Variants in LRRTM4 observed in about 807,000 individuals in gnomAD.
LRRTM4 encodes the protein leucine-rich repeat transmembrane neuronal protein 4.
In LRRTM4, 25 loss-of-function variants were observed where a neutral mutation model predicts 47.6. That is an observed-to-expected ratio of 0.53 (90% CI 0.38 to 0.73). LRRTM4 has a LOEUF of 0.73. Among genes scored for constraint, LRRTM4 ranks in the 30% least tolerant of loss-of-function variants. The pLI is 0.00. For missense variants in LRRTM4, 638 were observed against 713.4 expected (o/e 0.89, Z 1.20); for synonymous variants, 311 against 269.5 (o/e 1.15, Z -1.51).
intron 3 of LRRTM4, among the ~76,000 whole-genome samples, chr2:77,148,555 T>C (rs1672335223): frequency 6.6e-6 from 1 of 152,162 alleles, no homozygotes; most frequent in African/African-American, 2.4e-5. Context: ...AGCCAACCCT[T>C]AACTTGTTGC....
intron 3 of LRRTM4, among the ~76,000 whole-genome samples, chr2:77,007,066 A>G (rs1677681135): frequency 6.7e-6 from 1 of 149,882 alleles, no homozygotes; most frequent in African/African-American, 2.5e-5. Context: ...GTTTGAGTTA[A>G]AAAAAAAGAT....
At chr2:76,976,726 T>C (rs1388532688) in intron 3 of LRRTM4, among the ~76,000 whole-genome samples, 2 of 151,834 alleles carry the variant, frequency 1.3e-5, no homozygotes, top group Non-Finnish European at 2.9e-5. Context: ...GGTTAATAGA[T>C]GCAAAGTGAC....
At chr2:77,330,765 C>G (rs1001067940) in intron 3 of LRRTM4, among the ~76,000 whole-genome samples, 10 of 151,958 alleles carry the variant, frequency 6.6e-5, no homozygotes, top group African/African-American at 2.2e-4. Flanking sequence ...AAAGTATGTT[C>G]TAAACATTCT....
At chr2:77,179,137 A>C (rs1445596474) in intron 3 of LRRTM4, among the ~76,000 whole-genome samples, 1 of 152,204 alleles carries the variant, frequency 6.6e-6, no homozygotes, top group African/African-American at 2.4e-5. Flanking sequence ...ACTAAGGCAC[A>C]GAAGTGCTAC....
chr2:76,762,854 G>A (rs1362873672), intron 3 of LRRTM4, among the ~76,000 whole-genome samples: 1 of 152,104 alleles, frequency 6.6e-6, no homozygotes, highest in African/African-American at 2.4e-5. Context: ...TTAAAAAACA[G>A]TGTTTATGTC....
intron 3 of LRRTM4, among the ~76,000 whole-genome samples, chr2:76,781,247 C>T (rs1335398062): frequency 3.3e-5 from 5 of 151,638 alleles, no homozygotes; most frequent in Non-Finnish European, 7.4e-5. Flanking sequence ...CCTACAGAGG[C>T]AGGCAGGCCT....
Position 77,522,127 on chromosome 2 carries a change from C to G in LRRTM4, c.-166G>C. ...AGAATACCTGGCATTCCTTATTGTGCTGGCTTTTGCCATTCCCAGATAAAG... is the reference window on the plus strand; with the variant it reads ...AGAATACCTGGCATTCCTTATTGTGGTGGCTTTTGCCATTCCCAGATAAAG... On this transcript the variant is annotated 5_prime_UTR_variant, in exon 1 of 4. Coordinates refer to ENST00000409884, the MANE Select transcript of LRRTM4 (RefSeq NM_001134745.3). 1 of 716,130 alleles carries G rather than the reference C, an allele frequency of 1.4e-6. No individual in the cohort carries two copies. The highest frequency in any genetic ancestry group is 2.6e-6 in the Non-Finnish European group (1 of 384,242). 44.4% of individuals were successfully genotyped at this position (716,130 alleles called of 1,614,324 possible). A position where few individuals can be genotyped will look rare whatever the true frequency, so the allele number is the denominator to read the frequency against.
At chr2:77,177,976 T>A (rs1287527263) in intron 3 of LRRTM4, among the ~76,000 whole-genome samples, 2 of 152,174 alleles carry the variant, frequency 1.3e-5, no homozygotes, top group Non-Finnish European at 2.9e-5. Context: ...AGGAGAGATA[T>A]TCTTTCTATG....
intron 3 of LRRTM4, among the ~76,000 whole-genome samples, chr2:77,213,482 A>G (rs573828161): frequency 1.9e-4 from 29 of 152,328 alleles, no homozygotes; most frequent in African/African-American, 6.7e-4. Context: ...AAATATGTAT[A>G]TGTATACATA....
rs534256027 is a variant in LRRTM4 at position 76,986,802 on chromosome 2, A to C, written c.1552-237886T>G. On this transcript the variant is annotated intron_variant, in intron 3 of 3. Coordinates refer to ENST00000409884, the MANE Select transcript of LRRTM4 (RefSeq NM_001134745.3). Reference sequence around the variant, plus strand: ...AGTTTACTCCTTGGACTTTGCAGCTATATAGGCCAATACATTTCTTCTTTT... The same window carrying C: ...AGTTTACTCCTTGGACTTTGCAGCTCTATAGGCCAATACATTTCTTCTTTT... 1.9e-4 allele frequency among the ~76,000 whole-genome samples: 29 copies of C among 152,060 alleles called. 1 individual carries two copies. In the South Asian group the frequency reaches 5.8e-3, roughly 30 times the overall value.
chr2:77,206,865 A>G (rs1674141611), intron 3 of LRRTM4, among the ~76,000 whole-genome samples: 1 of 152,032 alleles, frequency 6.6e-6, no homozygotes, highest in Non-Finnish European at 1.5e-5. Context: ...AATAAAAACA[A>G]CCTTAATTAA....
chr2:76,890,702 T>C (rs1288437416), intron 3 of LRRTM4, among the ~76,000 whole-genome samples: 4 of 152,054 alleles, frequency 2.6e-5, no homozygotes, highest in Admixed American at 2.6e-4. Flanking sequence ...CCAAAAAGTA[T>C]ACATATCAAC....
At chr2:77,239,733 G>T (rs1675205621) in intron 3 of LRRTM4, among the ~76,000 whole-genome samples, 1 of 151,758 alleles carries the variant, frequency 6.6e-6, no homozygotes, top group East Asian at 1.9e-4. Flanking sequence ...CCCTATTGTT[G>T]CACCTAATAG....
chr2:76,907,219 T>A (rs1339713314), intron 3 of LRRTM4, among the ~76,000 whole-genome samples: 1 of 151,960 alleles, frequency 6.6e-6, no homozygotes, highest in Non-Finnish European at 1.5e-5. Flanking sequence ...ACATGGAAAC[T>A]GTACAACCTG....
At chr2:77,119,329 T>C (rs531503064) in intron 3 of LRRTM4, among the ~76,000 whole-genome samples, 4 of 151,924 alleles carry the variant, frequency 2.6e-5, no homozygotes, top group African/African-American at 9.6e-5. Flanking sequence ...TTAAAAAGAG[T>C]GTTGATCTTT....
intron 3 of LRRTM4, among the ~76,000 whole-genome samples, chr2:77,017,834 C>T (rs1050721638): frequency 2.6e-5 from 4 of 151,830 alleles, no homozygotes; most frequent in African/African-American, 9.7e-5. Flanking sequence ...CAATGAGAAC[C>T]CAATCTACTT....
At chr2:77,469,241 G>A (rs1415246848) in intron 3 of LRRTM4, among the ~76,000 whole-genome samples, 2 of 152,236 alleles carry the variant, frequency 1.3e-5, no homozygotes, top group Non-Finnish European at 2.9e-5. Context: ...GGCAAAGGAA[G>A]CAGCAAGCGT....
chr2:76,896,124 C>T (rs143798505), intron 3 of LRRTM4, among the ~76,000 whole-genome samples: 6 of 152,028 alleles, frequency 3.9e-5, no homozygotes, highest in African/African-American at 1.2e-4. Flanking sequence ...CAAAATATTC[C>T]TTATGGGAAA....
intron 3 of LRRTM4, among the ~76,000 whole-genome samples, chr2:77,399,989 T>C (rs1388524456): frequency 6.6e-6 from 1 of 151,820 alleles, no homozygotes; most frequent in South Asian, 2.1e-4. Context: ...ATTTATGAAA[T>C]GGCAGGCTAG....
Sources: allele counts gnomAD v4.1 joint callset (sites outside exome capture counted in the v4.1 genomes callset), GRCh38; gene constraint gnomAD v4.1.1; transcripts MANE v1.5; gene names NCBI Gene and HGNC (gene_info 2026-07-23, HGNC 2026-07-21).